Variants in TES observed in about 807,000 individuals in gnomAD.
The protein encoded by TES is testin LIM domain protein.
TES carries 41 observed loss-of-function variants against 48.2 expected under a neutral mutation model. The observed-to-expected ratio is 0.85, with a 90% confidence interval of 0.66 to 1.10. TES has a LOEUF of 1.10. Ranked by LOEUF, TES falls within the 50% of genes least tolerant of loss-of-function variation. The pLI, the probability that TES is intolerant of heterozygous loss-of-function variation, is 0.00. For missense variants in TES, 463 were observed against 515.1 expected (o/e 0.90, Z 0.98); for synonymous variants, 162 against 174.9 (o/e 0.93, Z 0.58).
intron 1 of TES, among the ~76,000 whole-genome samples, chr7:116,220,360 C>T (rs1025027862): frequency 1.3e-5 from 2 of 152,102 alleles, no homozygotes; most frequent in African/African-American, 4.8e-5. Context: ...GTAGGATCAT[C>T]CTGTGGACCA....
chr7:116,228,008 G>GTTTTTTTTTTTTT (rs77777605), intron 1 of TES, among the ~76,000 whole-genome samples: 3 of 122,952 alleles, frequency 2.4e-5, no homozygotes, highest in Non-Finnish European at 3.5e-5. Context: ...TCTTTTTTTT[G>GTTTTTTTTTTTTT]TTTTTTTTTT....
chr7:116,248,968 A>G (rs1380287563), intron 2 of TES, 52 bp from the exon 3 acceptor site: 2 of 1,483,486 alleles, frequency 1.3e-6, no homozygotes, highest in Non-Finnish European at 1.8e-6. Context: ...GTATGAACAT[A>G]AATATCAATT....
intron 1 of TES, among the ~76,000 whole-genome samples, chr7:116,227,679 ATG>A (rs1265380438): frequency 6.6e-6 from 1 of 152,322 alleles, no homozygotes; most frequent in Non-Finnish European, 1.5e-5. Context: ...ATATGAATAT[ATG>A]TGTGTGTATA....
chr7:116,242,001 C>G lies in TES; in HGVS notation c.114-7019C>G, dbSNP rs1457992242. ...TCATCAGGCTTTATTTCACTTGTAT[C>G]TTTTATTATTTATCTTTCAGATTCT... On this transcript the variant is annotated intron_variant, in intron 2 of 6. Transcript: ENST00000358204. Among the ~76,000 whole-genome samples, 27 of 152,088 alleles carry G rather than the reference C, an allele frequency of 1.8e-4. 1 individual carries two copies. Among genetic ancestry groups the G allele is most frequent in the Admixed American group, 1.8e-3 (27 of 15,282 alleles).
intron 2 of TES, among the ~76,000 whole-genome samples, chr7:116,248,071 G>T: frequency 6.6e-6 from 1 of 152,144 alleles, no homozygotes; most frequent in East Asian, 1.9e-4. Flanking sequence ...TGTGGTATTT[G>T]GTTTTCCTTT....
rs1430454552 is a variant in TES, at chr7:116,257,494, C to T, written c.*12C>T. ...AGAGGATGTCTTAGGAGGAGGGCAC[C>T]CAGAAGTATCGAGCCATAGCTATCC... On this transcript the variant is annotated 3_prime_UTR_variant, in exon 7 of 7. Transcript: ENST00000358204. The T allele has an allele frequency of 6.3e-7, 1 of 1,588,780 alleles. No homozygotes were observed. Among genetic ancestry groups the T allele is most frequent in the East Asian group, 2.3e-5 (1 of 44,032 alleles).
intron 2 of TES, among the ~76,000 whole-genome samples, chr7:116,237,487 C>T (rs773876749): frequency 6.6e-6 from 1 of 152,122 alleles, no homozygotes; most frequent in African/African-American, 2.4e-5. Context: ...CACTTCCCTT[C>T]CAAGCACTCT....
rs761792065 is a variant in TES, at chr7:116,251,813, C to T, written c.756C>T (p.Ala252=). The T allele has an allele frequency of 6.8e-6, 11 of 1,614,158 alleles. No homozygotes were observed. The highest frequency in any genetic ancestry group is 2.2e-5 in the East Asian group (1 of 44,884). ...SMKEGDPAIY[A]ERAGYDKLWH... Reference sequence around the variant, plus strand: ...AAGAAGGTGACCCAGCCATCTATGCCGAAAGGGCTGGCTATGATAAACTGT... The same window carrying T: ...AAGAAGGTGACCCAGCCATCTATGCTGAAAGGGCTGGCTATGATAAACTGT... Residue 252 remains alanine (A), a synonymous_variant, in exon 5 of 7, where the codon GCC becomes GCT. Transcript: ENST00000358204.
In TES at chr7:116,258,541, C is replaced by T. The variant is rs1003052975; in HGVS notation, c.*1059C>T. 2.7e-5 allele frequency: 4 copies of T among 150,592 alleles called. No homozygotes were observed. Among genetic ancestry groups the T allele is most frequent in the Admixed American group, 6.7e-5 (1 of 15,022 alleles). The allele number at this position is 150,592 out of a possible 1,614,324, so 9.3% of individuals were successfully genotyped here. A position where few individuals can be genotyped will look rare whatever the true frequency, so the allele number is the denominator to read the frequency against. ...CTATGATTTATATTGATTGCACTTGCCTGCCATGATTTAGATAAGATTTTT... is the reference window on the plus strand; with the variant it reads ...CTATGATTTATATTGATTGCACTTGTCTGCCATGATTTAGATAAGATTTTT... On this transcript the variant is annotated 3_prime_UTR_variant, in exon 7 of 7. Coordinates refer to ENST00000358204, the MANE Select transcript of TES (RefSeq NM_015641.4).
In TES at chr7:116,251,808, T is replaced by C. The variant is rs569574274; in HGVS notation, c.751T>C (p.Tyr251His). The C allele has an allele frequency of 1.2e-5, 20 of 1,614,126 alleles. No homozygotes were observed. The highest frequency in any genetic ancestry group is 1.6e-4 in the Middle Eastern group (1 of 6,084). The part of the protein sequence containing the change: ...LSMKEGDPAI[Y>H]AERAGYDKLW... Reference sequence around the variant, plus strand: ...TATGAAAGAAGGTGACCCAGCCATCTATGCCGAAAGGGCTGGCTATGATAA... The same window carrying C: ...TATGAAAGAAGGTGACCCAGCCATCCATGCCGAAAGGGCTGGCTATGATAA... The change falls in exon 5 of 7, where the codon TAT (tyrosine) becomes CAT (histidine). Residue 251 changes from tyrosine to histidine, a missense_variant. Tyr to His is a moderately conservative substitution (Grantham distance 83). Transcript: ENST00000358204.
At chr7:116,233,359 G>T (rs1277537144) in intron 1 of TES, among the ~76,000 whole-genome samples, 7 of 152,250 alleles carry the variant, frequency 4.6e-5, no homozygotes, top group Middle Eastern at 3.4e-3. Context: ...GTCTCAGCAA[G>T]TTCTCAAAGA....
At chr7:116,241,998 T>C (rs1471163311) in intron 2 of TES, among the ~76,000 whole-genome samples, 2 of 152,250 alleles carry the variant, frequency 1.3e-5, no homozygotes, top group African/African-American at 4.8e-5. Context: ...ATTTCACTTG[T>C]ATCTTTTATT....
chr7:116,226,650 C>T (rs944269577), intron 1 of TES, among the ~76,000 whole-genome samples: 4 of 152,166 alleles, frequency 2.6e-5, no homozygotes, highest in South Asian at 2.1e-4. Flanking sequence ...AGCAATACAA[C>T]GTCATACAAA....
chr7:116,239,706 C>T (rs1443645458), intron 2 of TES, among the ~76,000 whole-genome samples: 2 of 152,202 alleles, frequency 1.3e-5, no homozygotes, highest in Non-Finnish European at 2.9e-5. Flanking sequence ...TGTGAGCTCT[C>T]TCCTTTTTCA....
intron 1 of TES, among the ~76,000 whole-genome samples, chr7:116,216,503 T>C (rs2116571080): frequency 6.6e-6 from 1 of 152,242 alleles, no homozygotes; most frequent in African/African-American, 2.4e-5. Context: ...TTTCTCCAAG[T>C]CCTGTGACTC....
At chr7:116,252,276 T>G in intron 5 of TES, 42 bp from the exon 6 acceptor site, 1 of 1,559,746 alleles carries the variant, frequency 6.4e-7, no homozygotes, top group Non-Finnish European at 8.7e-7. Flanking sequence ...TATAAATCTC[T>G]TATTATATAA....
intron 2 of TES, among the ~76,000 whole-genome samples, chr7:116,242,533 C>CTCTCTG (rs747150482): frequency 4.7e-4 from 35 of 73,944 alleles, no homozygotes; most frequent in African/African-American, 2.4e-3. Flanking sequence ...CTCTCTCTCT[C>CTCTCTG]TCTCTGTCTC....
chr7:116,223,767 G>T (rs1441196903), intron 1 of TES, among the ~76,000 whole-genome samples: 1 of 152,132 alleles, frequency 6.6e-6, no homozygotes, highest in Admixed American at 6.6e-5. Context: ...TTTGAAATGG[G>T]CAAAATAAAG....
chr7:116,234,236 A>G (rs1799736717), intron 1 of TES, among the ~76,000 whole-genome samples: 1 of 152,158 alleles, frequency 6.6e-6, no homozygotes, highest in Admixed American at 6.6e-5. Flanking sequence ...CTATGGGGCA[A>G]GTAGTGGCCA....
Sources: allele counts gnomAD v4.1 joint callset (sites outside exome capture counted in the v4.1 genomes callset), GRCh38; gene constraint gnomAD v4.1.1; transcripts MANE v1.5; gene names NCBI Gene and HGNC (gene_info 2026-07-23, HGNC 2026-07-21).